CUBN: variants seen among roughly 807,000 people sequenced by gnomAD.
The protein encoded by CUBN is 460 kDa receptor.
In CUBN, 282 loss-of-function variants were observed where a neutral mutation model predicts 405.3. The observed-to-expected ratio is 0.70, with a 90% CI of 0.63 to 0.77. CUBN has a LOEUF of 0.77. Ranked by LOEUF, CUBN falls within the 30% of genes least tolerant of loss-of-function variation. CUBN has a pLI of 0.00. For missense variants in CUBN, 4,514 were observed against 4,475.2 expected, an observed-to-expected ratio of 1.01 and a Z score of -0.25; for synonymous variants, 1,684 against 1,617.0, an observed-to-expected ratio of 1.04 and a Z score of -0.99.
At chr10:17,006,245 A>C (rs1197195209) in intron 28 of CUBN, among the ~76,000 whole-genome samples, 1 of 152,208 alleles carries the variant, frequency 6.6e-6, no homozygotes, top group African/African-American at 2.4e-5. Context: ...TCTTCTCAAA[A>C]AATATCTGCT....
chr10:16,935,083 T>C (rs569382011), intron 39 of CUBN, among the ~76,000 whole-genome samples: 2 of 152,332 alleles, frequency 1.3e-5, no homozygotes, highest in Non-Finnish European at 1.5e-5. Flanking sequence ...TGCTTTGTCA[T>C]GTACCCATTT....
Position 17,029,245 on chromosome 10 carries a change from A to G in CUBN, c.4018-9262T>C, listed in dbSNP as rs761015163. Reference sequence around the variant, plus strand: ...GTTGGTTCATTAACTGCTGCAAATTAATGCAATCATACGAAAATCCTTCAT... The same window carrying G: ...GTTGGTTCATTAACTGCTGCAAATTGATGCAATCATACGAAAATCCTTCAT... On this transcript the variant is annotated intron_variant, in intron 27 of 66. Coordinates refer to ENST00000377833, the MANE Select transcript of CUBN (RefSeq NM_001081.4). Among the ~76,000 whole-genome samples the G allele has an allele frequency of 5.8e-4, 89 of 152,256 alleles. 1 individual carries two copies. The highest frequency in any genetic ancestry group is 1.5e-4 in the Non-Finnish European group (10 of 68,044).
At position 16,891,842 on chromosome 10, in the gene CUBN, T is replaced by C. The variant is rs563301991; in HGVS notation, c.8599-1315A>G. Reference sequence around the variant, plus strand: ...CATTTTTCTATTGTCACACTCGGTGTGATGGGTAGTATCTAGTGGGTAGGG... The same window carrying C: ...CATTTTTCTATTGTCACACTCGGTGCGATGGGTAGTATCTAGTGGGTAGGG... On this transcript the variant is annotated intron_variant, in intron 54 of 66. Coordinates refer to ENST00000377833, the MANE Select transcript of CUBN (RefSeq NM_001081.4). 7.2e-5 allele frequency among the ~76,000 whole-genome samples: 11 copies of C among 152,278 alleles called. No homozygotes were observed. In the South Asian group the frequency reaches 2.3e-3, roughly 32 times the overall value.
intron 59 of CUBN, among the ~76,000 whole-genome samples, chr10:16,868,353 A>G (rs1329363117): frequency 1.3e-5 from 2 of 152,238 alleles, no homozygotes; most frequent in African/African-American, 2.4e-5. Flanking sequence ...TCCGTTTTGC[A>G]TCAGAGAAAC....
At chr10:16,860,390 T>C (rs953519821) in intron 59 of CUBN, among the ~76,000 whole-genome samples, 1 of 152,150 alleles carries the variant, frequency 6.6e-6, no homozygotes, top group Admixed American at 6.5e-5. Flanking sequence ...CAAAAAGCAT[T>C]TAAAAACGTT....
At chr10:16,832,716 G>C (rs551340939) in intron 64 of CUBN, among the ~76,000 whole-genome samples, 42 of 152,144 alleles carry the variant, frequency 2.8e-4, no homozygotes, top group Non-Finnish European at 5.0e-4. Flanking sequence ...TAGAGCAGTG[G>C]GCATCTCTGG....
At chr10:16,917,025 G>T (rs557258039) in intron 45 of CUBN, among the ~76,000 whole-genome samples, 1 of 151,980 alleles carries the variant, frequency 6.6e-6, no homozygotes, top group East Asian at 1.9e-4. Context: ...TCTTGGCCAG[G>T]CTGGTCTTGA....
intron 28 of CUBN, among the ~76,000 whole-genome samples, chr10:16,997,432 TAA>T (rs11464946): frequency 1.5e-4 from 18 of 122,616 alleles, no homozygotes; most frequent in Middle Eastern, 4.2e-3. Flanking sequence ...AGACTCCATC[TAA>T]AAAAAAAAAA....
At chr10:17,049,666 C>T (rs762351594) in intron 22 of CUBN, among the ~76,000 whole-genome samples, 42 of 152,098 alleles carry the variant, frequency 2.8e-4, no homozygotes, top group Non-Finnish European at 4.9e-4. Context: ...TTGATGTGTT[C>T]CAATGATATT....
chr10:17,061,682 G>A (rs1211780660), intron 22 of CUBN, among the ~76,000 whole-genome samples: 1 of 152,134 alleles, frequency 6.6e-6, no homozygotes, highest in Admixed American at 6.5e-5. Flanking sequence ...AAGCCCAGTA[G>A]GGCTCATCTC....
intron 48 of CUBN, among the ~76,000 whole-genome samples, chr10:16,910,735 C>T (rs927475540): frequency 1.7e-4 from 25 of 151,326 alleles, no homozygotes; most frequent in African/African-American, 5.8e-4. Context: ...ATGAGCAACA[C>T]AAAACTTCAA....
intron 28 of CUBN, 65 bp downstream of exon 28, chr10:17,019,768 G>A (rs925157122): frequency 6.9e-6 from 11 of 1,605,568 alleles, no homozygotes; most frequent in African/African-American, 1.3e-5. Context: ...GTTTGGAACT[G>A]AAAAAGAAAA....
chr10:16,978,013 T>C (rs112808668), intron 31 of CUBN, among the ~76,000 whole-genome samples: 7 of 152,398 alleles, frequency 4.6e-5, no homozygotes, highest in African/African-American at 1.4e-4. Context: ...TTTTGCTGGA[T>C]GTCCAGTGCC....
intron 28 of CUBN, among the ~76,000 whole-genome samples, chr10:17,009,317 A>T (rs950510977): frequency 6.6e-6 from 1 of 152,240 alleles, no homozygotes; most frequent in African/African-American, 2.4e-5. Context: ...AATAGTAAAC[A>T]GGAAAGCAGA....
At chr10:16,922,096 C>G (rs1326269089) in intron 43 of CUBN, among the ~76,000 whole-genome samples, 1 of 152,028 alleles carries the variant, frequency 6.6e-6, no homozygotes, top group East Asian at 1.9e-4. Context: ...TATTTATTGT[C>G]TGCATCTTAA....
chr10:17,122,468 C>T, intron 6 of CUBN: 1 of 408,244 alleles, frequency 2.4e-6, no homozygotes, highest in Non-Finnish European at 4.9e-6. Context: ...AGTGGCTCCC[C>T]TTCAATGCTC....
intron 6 of CUBN, among the ~76,000 whole-genome samples, chr10:17,118,447 G>T (rs1479281961): frequency 1.3e-5 from 2 of 151,968 alleles, no homozygotes; most frequent in Non-Finnish European, 2.9e-5. Context: ...GTTTTGTTTT[G>T]TTTCGTTTTG....
At chr10:17,060,060 A>C (rs1435364753) in intron 22 of CUBN, among the ~76,000 whole-genome samples, 1 of 152,088 alleles carries the variant, frequency 6.6e-6, no homozygotes, top group East Asian at 1.9e-4. Flanking sequence ...GCCAAGATAA[A>C]ATATGAACCC....
At chr10:17,011,323 C>T (rs1019164281) in intron 28 of CUBN, among the ~76,000 whole-genome samples, 6 of 151,974 alleles carry the variant, frequency 3.9e-5, no homozygotes, top group Non-Finnish European at 5.9e-5. Flanking sequence ...CAGATGTGTC[C>T]GCAGTTTCGT....
Sources: gnomAD v4.1 joint callset for allele counts (sites outside exome capture counted in the v4.1 genomes callset) on GRCh38, gnomAD v4.1.1 for gene constraint, MANE v1.5 for transcripts, NCBI Gene and HGNC (gene_info 2026-07-23, HGNC 2026-07-21) for gene names.